Variants in SARM1 observed in about 807,000 individuals in gnomAD.
The protein encoded by SARM1 is NAD(+) hydrolase SARM1.
Under a neutral mutation model 65.1 loss-of-function variants are expected in SARM1, and 60 were observed. The observed-to-expected ratio is 0.92, with a 90% CI of 0.75 to 1.14. The LOEUF (loss-of-function observed/expected upper bound fraction) is 1.14, where lower values mean the gene tolerates loss of function less well. Ranked by LOEUF, SARM1 falls within the 50% of genes most tolerant of loss-of-function variation. The pLI, the probability that SARM1 is intolerant of heterozygous loss-of-function variation, is 0.00. For synonymous variants in SARM1, 417 were observed against 465.4 expected, an observed-to-expected ratio of 0.90 and a Z score of 1.34; for missense variants, 913 against 1,015.7, an observed-to-expected ratio of 0.90 and a Z score of 1.37.
chr17:28,384,793 A>C lies in SARM1; in HGVS notation c.1303-46A>C, dbSNP rs782679353. ...CCTTGCATCTTGTGCTCGAGGTCCA[A>C]GGGCGGAGTAGCGAAGCCCTTCCTG... On this transcript the variant is annotated intron_variant, in intron 3 of 8. Transcript: ENST00000585482. The surrounding 1 kb of genome is among the most constrained non-coding windows in gnomAD (Gnocchi z 4.4). 1.3e-6 allele frequency: 2 copies of C among 1,512,118 alleles called. No homozygotes were observed. Among genetic ancestry groups the C allele is most frequent in the Non-Finnish European group, 1.8e-6 (2 of 1,111,178 alleles). 93.7% of individuals were successfully genotyped at this position (1,512,118 alleles called of 1,614,324 possible).
chr17:28,393,853 A>T (rs1424591011), intron 7 of SARM1, among the ~76,000 whole-genome samples: 1 of 152,244 alleles, frequency 6.6e-6, no homozygotes, highest in Non-Finnish European at 1.5e-5. Flanking sequence ...ATACTGAGTA[A>T]TTTACCCATT....
Position 28,400,624 on chromosome 17 carries a change from C to T in SARM1, c.*4338C>T, listed in dbSNP as rs374545871. 43 of 1,613,668 alleles carry T rather than the reference C, an allele frequency of 2.7e-5. 1 individual carries two copies. In the African/African-American group the frequency reaches 2.7e-4, roughly 10 times the overall value. ...CCCTGCATTACCCAATCAGAACAGC[C>T]GGGATGAGCAGGAGGCCAGCTCCCA... On this transcript the variant is annotated 3_prime_UTR_variant, in exon 9 of 9. Coordinates refer to ENST00000585482, the MANE Select transcript of SARM1 (RefSeq NM_015077.4).
At chr17:28,387,647 G>A (rs573288635) in intron 5 of SARM1, among the ~76,000 whole-genome samples, 30 of 152,322 alleles carry the variant, frequency 2.0e-4, no homozygotes, top group South Asian at 1.5e-3. Flanking sequence ...CTCAGAATGC[G>A]GTGCCTGGCG....
chr17:28,372,022 G>A lies in SARM1; in HGVS notation c.-11G>A, dbSNP rs2142419885. On this transcript the variant is annotated 5_prime_UTR_variant, in exon 1 of 9. Coordinates refer to ENST00000585482, the MANE Select transcript of SARM1 (RefSeq NM_015077.4). This position sits in a 1 kb window ranked among gnomAD's most constrained non-coding sequence, Gnocchi z 5.2. ...CTCCAGGCCGGGGATGTCCCCCGCG[G>A]CCCCGCGCCCATGGTCCTGACGCTG... 1 of 1,481,686 alleles carries A rather than the reference G, an allele frequency of 6.7e-7. No individual in the cohort carries two copies. The highest frequency in any genetic ancestry group is 8.9e-7 in the Non-Finnish European group (1 of 1,122,266). The allele number at this position is 1,481,686 out of a possible 1,614,324, so 91.8% of individuals were successfully genotyped here.
At position 28,372,534 on chromosome 17, in the gene SARM1, CCG is replaced by C. The variant is rs2067964325; in HGVS notation, c.470+35_470+36del. ...GCGCCAGGCCGGGGTTGGGAGAGCG[CCG>C]CGTGGTGTGGACAGTTAAGCGCCTG... On this transcript the variant is annotated intron_variant, in intron 1 of 8. Coordinates refer to ENST00000585482, the MANE Select transcript of SARM1 (RefSeq NM_015077.4). The surrounding 1 kb of genome is among the most constrained non-coding windows in gnomAD (Gnocchi z 5.2). 6.7e-7 allele frequency: 1 copy of C among 1,487,154 alleles called. No individual in the cohort carries two copies. The highest frequency in any genetic ancestry group is 8.9e-7 in the Non-Finnish European group (1 of 1,119,772). The allele number at this position is 1,487,154 out of a possible 1,614,324, so 92.1% of individuals were successfully genotyped here. A position where few individuals can be genotyped will look rare whatever the true frequency, so the allele number is the denominator to read the frequency against.
intron 1 of SARM1, among the ~76,000 whole-genome samples, chr17:28,374,927 C>G (rs1555584454): frequency 8.0e-6 from 1 of 124,282 alleles, no homozygotes; most frequent in East Asian, 2.6e-4. Flanking sequence ...GAGCTGAGAT[C>G]ATGCCACTGC....
In SARM1 at chr17:28,384,778, T is replaced by G; in HGVS notation, c.1303-61T>G. On this transcript the variant is annotated intron_variant, in intron 3 of 8. Coordinates refer to ENST00000585482, the MANE Select transcript of SARM1 (RefSeq NM_015077.4). This position sits in a 1 kb window ranked among gnomAD's most constrained non-coding sequence, Gnocchi z 4.4. ...ATCTCCAGTTCCTTCCCTTGCATCT[T>G]GTGCTCGAGGTCCAAGGGCGGAGTA... 1.4e-6 allele frequency: 2 copies of G among 1,450,226 alleles called. No homozygotes were observed. Among genetic ancestry groups the G allele is most frequent in the Non-Finnish European group, 1.9e-6 (2 of 1,054,788 alleles). The allele number at this position is 1,450,226 out of a possible 1,614,324, so 89.8% of individuals were successfully genotyped here. A position where few individuals can be genotyped will look rare whatever the true frequency, so the allele number is the denominator to read the frequency against.
chr17:28,376,032 T>G (rs189132972), intron 1 of SARM1, among the ~76,000 whole-genome samples: 186 of 152,238 alleles, frequency 1.2e-3, no homozygotes, highest in African/African-American at 4.3e-3. Flanking sequence ...AATTCTAAAA[T>G]ATCTGCCCAT....
At chr17:28,389,851 AAC>A (rs1555586651) in intron 7 of SARM1, among the ~76,000 whole-genome samples, 1 of 152,230 alleles carries the variant, frequency 6.6e-6, no homozygotes, top group Non-Finnish European at 1.5e-5. Flanking sequence ...CAGCTTGGGC[AAC>A]AGAGTGGGAC....
chr17:28,381,658 C>T lies in SARM1; in HGVS notation c.926C>T (p.Ala309Val), dbSNP rs995788726. Residue 309 changes from alanine to valine, a missense_variant, in exon 2 of 9, where the codon GCC becomes GTC. Physicochemically the swap from Ala to Val is moderately conservative, Grantham distance 64 (BLOSUM62 0). Around this residue, in one of 3 missense-constraint regions of SARM1, gnomAD observed 862 missense variants for 952.1 expected, o/e 0.91. Coordinates refer to ENST00000585482, the MANE Select transcript of SARM1 (RefSeq NM_015077.4). The stretch of plus-strand genomic sequence containing the variant: ...GCCTCGCTGGACCCTGGCCGCTTCG[C>T]CCGCTGTCTGGTGGACGCCAGCGAC... ...LVASLDPGRF[A>V]RCLVDASDTS... 3.7e-5 allele frequency: 57 copies of T among 1,556,314 alleles called. No homozygotes were observed. The highest frequency in any genetic ancestry group is 4.9e-5 in the Non-Finnish European group (56 of 1,151,566).
At chr17:28,378,778 C>T (rs1244891488) in intron 1 of SARM1, among the ~76,000 whole-genome samples, 1 of 152,152 alleles carries the variant, frequency 6.6e-6, no homozygotes, top group Non-Finnish European at 1.5e-5. Flanking sequence ...CTGCCTCAGC[C>T]TCTCAGGTAG....
At chr17:28,390,523 T>C (rs1555586725) in intron 7 of SARM1, among the ~76,000 whole-genome samples, 1 of 152,126 alleles carries the variant, frequency 6.6e-6, no homozygotes, top group African/African-American at 2.4e-5. Context: ...GGTTAAAATA[T>C]TTTTATTTCC....
intron 1 of SARM1, among the ~76,000 whole-genome samples, chr17:28,376,517 G>C (rs966255947): frequency 3.3e-5 from 5 of 151,850 alleles, no homozygotes; most frequent in Admixed American, 6.6e-5. Flanking sequence ...AGGTTGCAGC[G>C]AGCTGAGATT....
chr17:28,382,948 T>C (rs2068031552), intron 2 of SARM1, among the ~76,000 whole-genome samples: 1 of 152,220 alleles, frequency 6.6e-6, no homozygotes, highest in East Asian at 1.9e-4. Flanking sequence ...AGGTTGGTGA[T>C]AGCTGGTGCA....
rs1232267689 is a variant in SARM1, at chr17:28,401,115, A to AT, written c.*4830dup. On this transcript the variant is annotated 3_prime_UTR_variant, in exon 9 of 9. Coordinates refer to ENST00000585482, the MANE Select transcript of SARM1 (RefSeq NM_015077.4). ...TTTCTGGTTTATCCTCTTTGGAATCATCTCCTGTTTGGGATTAACTGCTGG... is the reference window on the plus strand; with the variant it reads ...TTTCTGGTTTATCCTCTTTGGAATCATTCTCCTGTTTGGGATTAACTGCTGG... 3.7e-5 allele frequency: 13 copies of AT among 347,352 alleles called. No homozygotes were observed. The highest frequency in any genetic ancestry group is 1.9e-4 in the African/African-American group (9 of 46,998). The allele number at this position is 347,352 out of a possible 1,614,324, so 21.5% of individuals were successfully genotyped here.
chr17:28,380,057 C>CTTTTTT (rs61029083), intron 1 of SARM1, among the ~76,000 whole-genome samples: 51 of 105,970 alleles, frequency 4.8e-4, no homozygotes, highest in Admixed American at 8.9e-4. Context: ...TTTTTCTTTT[C>CTTTTTT]TTTTTTTTTT....
chr17:28,375,895 C>A (rs752345462), intron 1 of SARM1, among the ~76,000 whole-genome samples: 4 of 152,174 alleles, frequency 2.6e-5, no homozygotes, highest in African/African-American at 9.7e-5. Flanking sequence ...TAACAAGTTT[C>A]TTGTATATCC....
chr17:28,376,245 A>C (rs1368997498), intron 1 of SARM1, among the ~76,000 whole-genome samples: 1 of 152,092 alleles, frequency 6.6e-6, no homozygotes, highest in Admixed American at 6.6e-5. Context: ...GCTGGGCCTC[A>C]GGTAAGTCCT....
chr17:28,401,138 T>G lies in SARM1; in HGVS notation c.*4852T>G, dbSNP rs2068193051. Reference sequence around the variant, plus strand: ...TCATCTCCTGTTTGGGATTAACTGCTGGTCTGATCAGTTCCAATATTCATA... The same window carrying G: ...TCATCTCCTGTTTGGGATTAACTGCGGGTCTGATCAGTTCCAATATTCATA... On this transcript the variant is annotated 3_prime_UTR_variant, in exon 9 of 9. Coordinates refer to ENST00000585482, the MANE Select transcript of SARM1 (RefSeq NM_015077.4). 3.0e-6 allele frequency: 1 copy of G among 332,938 alleles called. No homozygotes were observed. The highest frequency in any genetic ancestry group is 5.8e-6 in the Non-Finnish European group (1 of 171,506). The allele number at this position is 332,938 out of a possible 1,614,324, so 20.6% of individuals were successfully genotyped here.
Sources: gnomAD v4.1 joint callset for allele counts (sites outside exome capture counted in the v4.1 genomes callset) on GRCh38, gnomAD v4.1.1 for gene constraint, gnomAD v4.1.1 regional missense constraint, Gnocchi (gnomAD v3.1) non-coding constraint, MANE v1.5 for transcripts, NCBI Gene and HGNC (gene_info 2026-07-23, HGNC 2026-07-21) for gene names.